The following ARHGAP42 variants were observed in gnomAD, a reference collection of about 807,000 sequenced individuals.
ARHGAP42 encodes rho GTPase-activating protein 42.
In ARHGAP42, 63 loss-of-function variants were observed where a neutral mutation model predicts 125.0. That is an observed-to-expected ratio of 0.50 (90% confidence interval 0.41 to 0.62). The LOEUF (loss-of-function observed/expected upper bound fraction) is 0.62. Ranked by LOEUF, ARHGAP42 falls within the 20% of genes least tolerant of loss-of-function variation. The probability of loss-of-function intolerance (pLI) is 0.00; values close to 1 mark genes in which losing one functional copy is unlikely to be tolerated. For missense variants in ARHGAP42, 766 were observed against 1,024.2 expected (o/e 0.75, Z 3.44); for synonymous variants, 339 against 351.0 (o/e 0.97, Z 0.38).
At chr11:100,766,581 G>T (rs774526118) in intron 1 of ARHGAP42, among the ~76,000 whole-genome samples, 1 of 152,158 alleles carries the variant, frequency 6.6e-6, no homozygotes, top group African/African-American at 2.4e-5. Flanking sequence ...TGTTTCATGT[G>T]ATTTTAAATT....
chr11:100,915,965 A>C (rs1867050292), intron 5 of ARHGAP42, among the ~76,000 whole-genome samples: 1 of 152,180 alleles, frequency 6.6e-6, no homozygotes, highest in African/African-American at 2.4e-5. Context: ...TTTCTAGAAC[A>C]GCTCTGGTCC....
At chr11:100,918,498 T>G in intron 5 of ARHGAP42, among the ~76,000 whole-genome samples, 1 of 152,352 alleles carries the variant, frequency 6.6e-6, no homozygotes, top group African/African-American at 2.4e-5. Flanking sequence ...ACTAGTGCTC[T>G]CTTTCAGTTT....
chr11:100,794,075 CAAAAAAAAAAAA>C (rs869272420), intron 2 of ARHGAP42, among the ~76,000 whole-genome samples: 11 of 44,860 alleles, frequency 2.5e-4, no homozygotes, highest in Non-Finnish European at 3.0e-4. Context: ...GACCCTGTCT[CAAAAAAAAAAAA>C]AAAAAAAAAA....
At chr11:100,977,025 G>A in intron 21 of ARHGAP42, 54 bp downstream of exon 21, 1 of 1,537,990 alleles carries the variant, frequency 6.5e-7, no homozygotes, top group Non-Finnish European at 8.8e-7. Context: ...GAGAGGAGTT[G>A]AGTGTTTCAG....
intron 3 of ARHGAP42, among the ~76,000 whole-genome samples, chr11:100,804,269 C>T (rs1364989192): frequency 2.6e-5 from 4 of 152,146 alleles, no homozygotes; most frequent in Non-Finnish European, 5.9e-5. Flanking sequence ...GGATTGCAGG[C>T]ATGAGCCACT....
chr11:100,852,812 G>T (rs1311775260), intron 3 of ARHGAP42, among the ~76,000 whole-genome samples: 1 of 152,154 alleles, frequency 6.6e-6, no homozygotes, highest in South Asian at 2.1e-4. Context: ...CATCACTGGA[G>T]TGGTCTAATT....
intron 3 of ARHGAP42, among the ~76,000 whole-genome samples, chr11:100,834,908 C>T (rs923996587): frequency 7.3e-6 from 1 of 137,566 alleles, no homozygotes; most frequent in African/African-American, 2.7e-5. Context: ...ATTTTTGATT[C>T]TGGAGTGGGT....
intron 1 of ARHGAP42, among the ~76,000 whole-genome samples, chr11:100,713,991 GA>G (rs914999397): frequency 6.6e-6 from 1 of 151,790 alleles, no homozygotes; most frequent in Non-Finnish European, 1.5e-5. Flanking sequence ...GAATTAAAAA[GA>G]AAAAAAATAA....
At chr11:100,763,522 G>A (rs969563910) in intron 1 of ARHGAP42, among the ~76,000 whole-genome samples, 1 of 152,012 alleles carries the variant, frequency 6.6e-6, no homozygotes, top group Non-Finnish European at 1.5e-5. Context: ...GAGTCTTGCT[G>A]TGTCTCCTAG....
At chr11:100,937,099 A>G (rs964655856) in intron 8 of ARHGAP42, among the ~76,000 whole-genome samples, 2 of 152,204 alleles carry the variant, frequency 1.3e-5, no homozygotes, top group Admixed American at 6.5e-5. Context: ...AGTGATGCTC[A>G]TTTGTTGGAG....
In ARHGAP42 at chr11:100,935,677, C is replaced by CACAGAG. The variant is rs143859109; in HGVS notation, c.703-525_703-524insCAGAGA. Among the ~76,000 whole-genome samples the CACAGAG allele has an allele frequency of 8.0e-3, 1,180 of 146,670 alleles. 7 individuals carry two copies. Among genetic ancestry groups the CACAGAG allele is most frequent in the Non-Finnish European group, 9.4e-3 (632 of 67,070 alleles). ...AAGGTCACACACACACACACACACA[C>CACAGAG]AGAGAGAGAGAGAGAGAGATTCAAA... On this transcript the variant is annotated intron_variant, in intron 7 of 23. Coordinates refer to ENST00000298815, the MANE Select transcript of ARHGAP42 (RefSeq NM_152432.4).
In ARHGAP42 at chr11:100,980,559, C is replaced by CTTTTTTT. The variant is rs763302463; in HGVS notation, c.2456+1534_2456+1540dup. On this transcript the variant is annotated intron_variant, in intron 22 of 23. Transcript: ENST00000298815. Reference sequence around the variant, plus strand: ...TCAAATCATACTTCTTTTTCTTCTTCTTTTTTTTTTTTTTTTTTTTTTTTT... The same window carrying CTTTTTTT: ...TCAAATCATACTTCTTTTTCTTCTTCTTTTTTTTTTTTTTTTTTTTTTTTTTTTTTTT... Among the ~76,000 whole-genome samples the CTTTTTTT allele has an allele frequency of 8.4e-3, 438 of 51,928 alleles. 27 individuals carry two copies. Among genetic ancestry groups the CTTTTTTT allele is most frequent in the East Asian group, 0.016 (19 of 1,160 alleles). 34.1% of individuals were successfully genotyped at this position (51,928 alleles called of 152,430 possible).
chr11:100,943,034 C>G (rs1867923288), intron 9 of ARHGAP42, among the ~76,000 whole-genome samples: 1 of 152,004 alleles, frequency 6.6e-6, no homozygotes, highest in East Asian at 1.9e-4. Flanking sequence ...ATCTCAGTGA[C>G]AAAAGAGAAT....
Position 100,688,293 on chromosome 11 carries a change from T to C in ARHGAP42, c.154+461T>C, listed in dbSNP as rs188141620. Among the ~76,000 whole-genome samples the C allele has an allele frequency of 2.0e-5, 3 of 152,278 alleles. No homozygotes were observed. In the East Asian group the frequency reaches 5.8e-4, roughly 29 times the overall value. ...GTCAGTGGCTCTTCATTGGACACAGTCATTGAGTTGGCTTTTTAAAAAGCA... is the reference window on the plus strand; with the variant it reads ...GTCAGTGGCTCTTCATTGGACACAGCCATTGAGTTGGCTTTTTAAAAAGCA... On this transcript the variant is annotated intron_variant, in intron 1 of 23. Transcript: ENST00000298815.
chr11:100,850,264 C>T (rs1343480849), intron 3 of ARHGAP42, among the ~76,000 whole-genome samples: 4 of 152,106 alleles, frequency 2.6e-5, no homozygotes, highest in African/African-American at 4.8e-5. Context: ...GAAAATAATA[C>T]GTAGGCTACG....
intron 6 of ARHGAP42, among the ~76,000 whole-genome samples, chr11:100,929,042 T>G (rs1867503989): frequency 6.6e-6 from 1 of 152,186 alleles, no homozygotes; most frequent in South Asian, 2.1e-4. Flanking sequence ...TTCACTATTA[T>G]GAATAATGTT....
Position 100,913,440 on chromosome 11 carries a change from G to C in ARHGAP42, c.385-12G>C. On this transcript the variant is annotated splice_polypyrimidine_tract_variant and intron_variant, in intron 4 of 23. Transcript: ENST00000298815. The stretch of plus-strand genomic sequence containing the variant: ...GAGTTAAATATTTTTTGTTGTTATT[G>C]CTCTCCTTTAGGATGGAAAGAAGAA... The C allele has an allele frequency of 8.3e-7, 1 of 1,197,656 alleles. No individual in the cohort carries two copies. Among genetic ancestry groups the C allele is most frequent in the Middle Eastern group, 3.4e-4 (1 of 2,936 alleles). The allele number at this position is 1,197,656 out of a possible 1,614,324, so 74.2% of individuals were successfully genotyped here.
At chr11:100,852,667 C>T (rs1389998854) in intron 3 of ARHGAP42, among the ~76,000 whole-genome samples, 1 of 152,090 alleles carries the variant, frequency 6.6e-6, no homozygotes, top group African/African-American at 2.4e-5. Flanking sequence ...TTGGGATGTA[C>T]AGTGTCTCTG....
intron 3 of ARHGAP42, among the ~76,000 whole-genome samples, chr11:100,857,237 T>A (rs1310149487): frequency 1.3e-5 from 2 of 152,010 alleles, no homozygotes; most frequent in Non-Finnish European, 2.9e-5. Flanking sequence ...GAAAAAAAAA[T>A]TAAAGCAAAT....
Sources: allele counts gnomAD v4.1 joint callset (sites outside exome capture counted in the v4.1 genomes callset), GRCh38; gene constraint gnomAD v4.1.1; transcripts MANE v1.5; gene names NCBI Gene and HGNC (gene_info 2026-07-23, HGNC 2026-07-21).